The following GRM8 variants were observed in gnomAD, a reference collection of about 807,000 sequenced individuals.
The protein encoded by GRM8 is glutamate metabotropic receptor 8.
Under a neutral mutation model 87.2 loss-of-function variants are expected in GRM8, and 47 were observed. The observed-to-expected ratio is 0.54, with a 90% CI of 0.43 to 0.69. The LOEUF is 0.69. Among genes scored for constraint, GRM8 ranks in the 30% least tolerant of loss-of-function variants. The pLI, the probability that GRM8 is intolerant of heterozygous loss-of-function variation, is 0.00. For missense variants in GRM8, 1,019 were observed against 1,139.2 expected (o/e 0.89, Z 1.52); for synonymous variants, 396 against 404.5 (o/e 0.98, Z 0.25).
At chr7:126,606,381 C>T (rs536263867) in intron 8 of GRM8, among the ~76,000 whole-genome samples, 2 of 152,288 alleles carry the variant, frequency 1.3e-5, no homozygotes, top group African/African-American at 4.8e-5. Flanking sequence ...GGGCAAAGGG[C>T]TTTGTTGTAT....
At chr7:126,467,364 A>G (rs1804619672) in intron 9 of GRM8, among the ~76,000 whole-genome samples, 1 of 152,098 alleles carries the variant, frequency 6.6e-6, no homozygotes, top group Non-Finnish European at 1.5e-5. Context: ...TTAGCAAATG[A>G]GAGCATTTTT....
Position 127,064,375 on chromosome 7 carries a change from C to T in GRM8, c.727+42121G>A, listed in dbSNP as rs868786443. 4.6e-5 allele frequency among the ~76,000 whole-genome samples: 7 copies of T among 151,936 alleles called. No individual in the cohort carries two copies. The South Asian group carries it at 1.5e-3, about 32-fold the overall frequency. ...TGAACCCTTTACCATTTTGTAATGC[C>T]CTTCTTTGCCTTTTTTTATTCTTCG... On this transcript the variant is annotated intron_variant, in intron 3 of 10. Transcript: ENST00000339582.
chr7:126,502,473 C>T (rs1256889246), intron 9 of GRM8, among the ~76,000 whole-genome samples: 1 of 151,990 alleles, frequency 6.6e-6, no homozygotes, highest in African/African-American at 2.4e-5. Flanking sequence ...CTGCTATATA[C>T]AAAAATATAC....
intron 8 of GRM8, among the ~76,000 whole-genome samples, chr7:126,544,007 A>G (rs968002247): frequency 1.3e-5 from 2 of 152,192 alleles, no homozygotes; most frequent in African/African-American, 4.8e-5. Flanking sequence ...TCATGAGATA[A>G]GTTTTCTGTG....
intron 9 of GRM8, among the ~76,000 whole-genome samples, chr7:126,532,743 A>G (rs1815011660): frequency 7.1e-6 from 1 of 141,030 alleles, no homozygotes. Flanking sequence ...AATTCAAAGC[A>G]ATGTGACCTT....
intron 3 of GRM8, among the ~76,000 whole-genome samples, chr7:126,905,949 G>C (rs75687326): frequency 6.6e-6 from 1 of 152,316 alleles, no homozygotes; most frequent in African/African-American, 2.4e-5. Context: ...GGCTGGGTTT[G>C]AAGTTGGAAA....
At chr7:127,123,878 TCCTTTC>T (rs142144949) in intron 2 of GRM8, among the ~76,000 whole-genome samples, 37,058 of 151,804 alleles carry the variant, frequency 0.24, 5,326 homozygotes, top group Non-Finnish European at 0.34. Flanking sequence ...CCTTCCTTCT[TCCTTTC>T]CCTTTCCCTT....
At position 126,533,015 on chromosome 7, in the gene GRM8, G is replaced by A; in HGVS notation, c.2367C>T (p.Thr789=). 1.2e-6 allele frequency: 2 copies of A among 1,613,360 alleles called. No individual in the cohort carries two copies. The highest frequency in any genetic ancestry group is 1.1e-5 in the South Asian group (1 of 91,048). ...EAKPIGFTMY[T]TCIIWLAFIP... ...TGAAAGCTAACCAAATGATGCAGGT[G>A]GTATACATGGTAAATCCAATAGGTT... The change falls in exon 9 of 11, where the codon ACC becomes ACT. Residue 789 remains threonine, a synonymous_variant. Coordinates refer to ENST00000339582, the MANE Select transcript of GRM8 (RefSeq NM_000845.3).
intron 2 of GRM8, among the ~76,000 whole-genome samples, chr7:127,209,290 A>T (rs1002082431): frequency 1.3e-5 from 2 of 152,170 alleles, no homozygotes; most frequent in Admixed American, 1.3e-4. Flanking sequence ...CAAGTACGAA[A>T]TCAGGAAGGA....
intron 6 of GRM8, among the ~76,000 whole-genome samples, chr7:126,891,789 A>G (rs1200998305): frequency 6.6e-6 from 1 of 152,008 alleles, no homozygotes; most frequent in Non-Finnish European, 1.5e-5. Flanking sequence ...TCCCAATTAG[A>G]CTGTAAGCCC....
At chr7:126,455,858 C>G (rs1383896757) in intron 9 of GRM8, among the ~76,000 whole-genome samples, 2 of 151,238 alleles carry the variant, frequency 1.3e-5, no homozygotes. Context: ...GAACTGACAA[C>G]CAAGAATTAG....
intron 8 of GRM8, among the ~76,000 whole-genome samples, chr7:126,556,437 A>G (rs1793146756): frequency 6.6e-6 from 1 of 151,512 alleles, no homozygotes; most frequent in Non-Finnish European, 1.5e-5. Context: ...ACCTGAGGTC[A>G]GGAGTTCAAG....
At chr7:127,097,018 C>T (rs553448774) in intron 3 of GRM8, among the ~76,000 whole-genome samples, 13 of 152,228 alleles carry the variant, frequency 8.5e-5, no homozygotes, top group African/African-American at 3.1e-4. Context: ...AATCTGGTGA[C>T]AATGGTCATT....
intron 7 of GRM8, among the ~76,000 whole-genome samples, chr7:126,755,396 C>T (rs1029630122): frequency 6.6e-6 from 1 of 151,948 alleles, no homozygotes; most frequent in Non-Finnish European, 1.5e-5. Context: ...GAAAAAATGT[C>T]TGAAATGTCA....
rs572297899 is a variant in GRM8 at position 126,685,443 on chromosome 7, G to A, written c.1358-75945C>T. ...CCCTGGGTGCAGCTGCAGCTGCTCT[G>A]CCCCATCTCTGGACCCAGGCATCTC... On this transcript the variant is annotated intron_variant, in intron 7 of 10. Coordinates refer to ENST00000339582, the MANE Select transcript of GRM8 (RefSeq NM_000845.3). The surrounding 1 kb of genome is among the most constrained non-coding windows in gnomAD (Gnocchi z 4.2). Among the ~76,000 whole-genome samples the A allele has an allele frequency of 1.5e-3, 234 of 152,228 alleles. 4 individuals are homozygous for A. The South Asian group carries it at 0.046, about 30-fold the overall frequency.
Position 127,206,257 on chromosome 7 carries a change from C to T in GRM8, c.510+36438G>A, listed in dbSNP as rs1333128486. Among the ~76,000 whole-genome samples, 4 of 152,184 alleles carry T rather than the reference C, an allele frequency of 2.6e-5. No individual in the cohort carries two copies. In the East Asian group the frequency reaches 7.7e-4, roughly 29 times the overall value. ...TCCTTGCCAGGCTGGATTCCCTAAC[C>T]ATTCTGGTAAGCCTATCAATAAGCT... On this transcript the variant is annotated intron_variant, in intron 2 of 10. Transcript: ENST00000339582.
chr7:126,951,395 A>G (rs1808140255), intron 3 of GRM8, among the ~76,000 whole-genome samples: 1 of 152,088 alleles, frequency 6.6e-6, no homozygotes, highest in Non-Finnish European at 1.5e-5. Context: ...GGCTCTTAGA[A>G]CCACAGTTAT....
At chr7:127,087,779 TA>T (rs1255732116) in intron 3 of GRM8, among the ~76,000 whole-genome samples, 2 of 151,940 alleles carry the variant, frequency 1.3e-5, no homozygotes, top group African/African-American at 2.4e-5. Context: ...TAAAATGAAA[TA>T]AAAAAATGAA....
At chr7:126,592,321 C>CA (rs1015735680) in intron 8 of GRM8, among the ~76,000 whole-genome samples, 30 of 149,860 alleles carry the variant, frequency 2.0e-4, no homozygotes, top group East Asian at 3.9e-4. Flanking sequence ...AAAAACACTA[C>CA]AAAAAAAAAG....
Sources: gnomAD v4.1 joint callset for allele counts (sites outside exome capture counted in the v4.1 genomes callset) on GRCh38, gnomAD v4.1.1 for gene constraint, Gnocchi (gnomAD v3.1) non-coding constraint, MANE v1.5 for transcripts, NCBI Gene and HGNC (gene_info 2026-07-23, HGNC 2026-07-21) for gene names.